LPAR6: variants seen among roughly 807,000 people sequenced by gnomAD.
LPAR6 encodes lysophosphatidic acid receptor 6.
Under a neutral mutation model 22.0 loss-of-function variants are expected in LPAR6, and 17 were observed. That is an observed-to-expected ratio of 0.77 (90% CI 0.53 to 1.16). The LOEUF (loss-of-function observed/expected upper bound fraction) is 1.16. LPAR6 is among the 50% of genes most tolerant of loss of function. LPAR6 has a pLI of 0.00. For missense variants in LPAR6, 384 were observed against 406.9 expected (o/e 0.94, Z 0.48); for synonymous variants, 136 against 139.8 (o/e 0.97, Z 0.19).
chr13:48,434,029 A>T (rs899115954), intron 1 of LPAR6, among the ~76,000 whole-genome samples: 4 of 151,992 alleles, frequency 2.6e-5, no homozygotes, highest in Non-Finnish European at 5.9e-5. Flanking sequence ...TGGCCTCAAT[A>T]TTTATTTAAA....
chr13:48,402,806 T>C (rs1048898941), intron 1 of LPAR6, among the ~76,000 whole-genome samples: 3 of 152,128 alleles, frequency 2.0e-5, no homozygotes, highest in Non-Finnish European at 2.9e-5. Context: ...CAGGAAGTCT[T>C]ATGAGACCAC....
upstream of LPAR6, among the ~76,000 whole-genome samples, chr13:48,430,439 G>C (rs1012058256): frequency 6.6e-6 from 1 of 152,060 alleles, no homozygotes; most frequent in Non-Finnish European, 1.5e-5. Flanking sequence ...AAATGAGCAC[G>C]TTAGAAAAAT....
At chr13:48,436,363 C>T (rs1949183449) in intron 1 of LPAR6, among the ~76,000 whole-genome samples, 1 of 152,128 alleles carries the variant, frequency 6.6e-6, no homozygotes, top group Admixed American at 6.5e-5. Context: ...AATCATGAGG[C>T]CAATTGCTGT....
chr13:48,396,210 C>T (rs1948646911), intron 1 of LPAR6, among the ~76,000 whole-genome samples: 1 of 152,068 alleles, frequency 6.6e-6, no homozygotes. Flanking sequence ...GCAAAAAGAA[C>T]AAAGCTGGAG....
In LPAR6 at chr13:48,404,636, C is replaced by A. The variant is rs1233958635; in HGVS notation, n.114+11064G>T. On this transcript the variant is annotated intron_variant and non_coding_transcript_variant, in intron 1 of 1. Coordinates refer to the LPAR6 transcript ENST00000462781. ...CTGCCTCCTAGGTTCAAACGATTCT[C>A]CTGCCTTAGCCTCCTGAGTAGCTGG... 8.4e-4 allele frequency among the ~76,000 whole-genome samples: 128 copies of A among 152,172 alleles called. 2 individuals are homozygous for A. The highest frequency in any genetic ancestry group is 5.9e-5 in the Non-Finnish European group (4 of 68,014).
chr13:48,412,460 T>C lies in LPAR6; in HGVS notation c.-37A>G. On this transcript the variant is annotated 5_prime_UTR_variant, in exon 1 of 1. Coordinates refer to ENST00000620633, the MANE Select transcript of LPAR6 (RefSeq NM_001162498.3). ...GTCCAATTTTCAGTTTGGAAGCACT[T>C]TCATCAGCTGCAGTCTCCTTTGGGA... 7.3e-7 allele frequency: 1 copy of C among 1,373,962 alleles called. No individual in the cohort carries two copies. The highest frequency in any genetic ancestry group is 1.0e-6 in the Non-Finnish European group (1 of 960,886). 85.1% of individuals were successfully genotyped at this position (1,373,962 alleles called of 1,614,324 possible).
downstream of LPAR6, among the ~76,000 whole-genome samples, chr13:48,406,098 C>CTGTGTG (rs149013062): frequency 2.7e-5 from 4 of 150,156 alleles, no homozygotes; most frequent in Admixed American, 6.7e-5. Context: ...ATAAATAACT[C>CTGTGTG]TGTGTGTGTG....
intron 1 of LPAR6, among the ~76,000 whole-genome samples, chr13:48,423,810 T>C (rs1949042654): frequency 6.6e-6 from 1 of 152,206 alleles, no homozygotes; most frequent in Non-Finnish European, 1.5e-5. Context: ...CTCTAGAGGC[T>C]GAGACAAGAG....
At chr13:48,433,075 A>C (rs1949146626) in intron 1 of LPAR6, among the ~76,000 whole-genome samples, 1 of 152,124 alleles carries the variant, frequency 6.6e-6, no homozygotes, top group Non-Finnish European at 1.5e-5. Context: ...AGTTTCTCAA[A>C]GTGATTTTAA....
At chr13:48,431,507 T>G (rs928677617), upstream of LPAR6, among the ~76,000 whole-genome samples, 2 of 152,222 alleles carry the variant, frequency 1.3e-5, no homozygotes, top group East Asian at 3.9e-4. Flanking sequence ...GAAGAATTAT[T>G]GGTATGATTC....
intron 1 of LPAR6, among the ~76,000 whole-genome samples, chr13:48,396,157 A>C (rs1948646272): frequency 6.6e-6 from 1 of 152,216 alleles, no homozygotes; most frequent in South Asian, 2.1e-4. Flanking sequence ...TTTAAATTTT[A>C]TATAGAACCT....
chr13:48,407,170 T>C (rs1222867279), downstream of LPAR6, among the ~76,000 whole-genome samples: 1 of 152,236 alleles, frequency 6.6e-6, no homozygotes, highest in Admixed American at 6.5e-5. Flanking sequence ...CAATTATTTA[T>C]TTTTAAAAAT....
At chr13:48,438,585 A>G (rs1949206516) in intron 1 of LPAR6, among the ~76,000 whole-genome samples, 1 of 151,736 alleles carries the variant, frequency 6.6e-6, no homozygotes, top group African/African-American at 2.4e-5. Flanking sequence ...TGTAAACTAT[A>G]GCATAAAAGT....
At chr13:48,394,630 G>A (rs975504598) in intron 1 of LPAR6, among the ~76,000 whole-genome samples, 27 of 152,270 alleles carry the variant, frequency 1.8e-4, no homozygotes, top group African/African-American at 6.5e-4. Flanking sequence ...AAGCCACCAG[G>A]AAGTTCAAAC....
At chr13:48,439,980 A>G (rs1194115947) in intron 1 of LPAR6, among the ~76,000 whole-genome samples, 1 of 152,166 alleles carries the variant, frequency 6.6e-6, no homozygotes, top group South Asian at 2.1e-4. Flanking sequence ...ACATATATAC[A>G]TAAGTCTAAA....
chr13:48,391,108 G>C (rs567441711), intron 1 of LPAR6, among the ~76,000 whole-genome samples: 28 of 151,714 alleles, frequency 1.8e-4, no homozygotes, highest in Non-Finnish European at 3.2e-4. Context: ...TAGGCTTACT[G>C]TCTATACTTC....
upstream of LPAR6, chr13:48,429,304 ACTCTGTAGGC>A (rs916882654): frequency 1.3e-5 from 2 of 152,174 alleles, no homozygotes; most frequent in Non-Finnish European, 2.9e-5. Context: ...AGTCCCAGCT[ACTCTGTAGGC>A]TGAGGTGGGA....
intron 1 of LPAR6, among the ~76,000 whole-genome samples, chr13:48,444,264 C>T (rs532448612): frequency 6.6e-6 from 1 of 152,282 alleles, no homozygotes; most frequent in South Asian, 2.1e-4. Context: ...AGCCTGTAAT[C>T]CCAGCACTTT....
downstream of LPAR6, among the ~76,000 whole-genome samples, chr13:48,406,341 T>G (rs1948739461): frequency 6.6e-6 from 1 of 152,204 alleles, no homozygotes; most frequent in African/African-American, 2.4e-5. Flanking sequence ...GTAATGACAT[T>G]AAAATATTCT....
Sources: gnomAD v4.1 joint callset for allele counts (sites outside exome capture counted in the v4.1 genomes callset) on GRCh38, gnomAD v4.1.1 for gene constraint, MANE v1.5 for transcripts, NCBI Gene and HGNC (gene_info 2026-07-23, HGNC 2026-07-21) for gene names.